The following ABCD4 variants were observed in gnomAD, a reference collection of about 807,000 sequenced individuals.
The protein encoded by ABCD4 is lysosomal cobalamin transporter ABCD4.
A neutral mutation model predicts 86.3 loss-of-function variants in ABCD4; 53 were observed. The observed-to-expected ratio is 0.61, with a 90% CI of 0.49 to 0.77. ABCD4 has a LOEUF of 0.77. ABCD4 is among the 30% of genes least tolerant of loss of function. The pLI, the probability that ABCD4 is intolerant of heterozygous loss-of-function variation, is 0.00. For synonymous variants in ABCD4, 328 were observed against 313.6 expected (o/e 1.05, Z -0.49); for missense variants, 757 against 764.5 (o/e 0.99, Z 0.12).
In ABCD4 at chr14:74,298,086, G is replaced by A; in HGVS notation, c.286-17C>T. On this transcript the variant is annotated splice_polypyrimidine_tract_variant and intron_variant, in intron 3 of 18. Transcript: ENST00000356924. ...GCTCTTCAGCTGTGCAGTGGGGGAA[G>A]CAAGGGGAAGGGAGAGATGGCTTCC... 6.2e-7 allele frequency: 1 copy of A among 1,612,208 alleles called. No individual in the cohort carries two copies. The highest frequency in any genetic ancestry group is 8.5e-7 in the Non-Finnish European group (1 of 1,179,526).
chr14:74,290,195 C>T (rs1395258028), intron 12 of ABCD4, 77 bp from the exon 13 acceptor site: 1 of 1,610,926 alleles, frequency 6.2e-7, no homozygotes, highest in East Asian at 2.2e-5. Flanking sequence ...TCCTTGTTCC[C>T]CAACAGAAAA....
chr14:74,290,953 G>T (rs998160091), intron 11 of ABCD4, among the ~76,000 whole-genome samples: 1 of 151,878 alleles, frequency 6.6e-6, no homozygotes, highest in Non-Finnish European at 1.5e-5. Flanking sequence ...GATTATAGAC[G>T]TGAGCTTCCG....
intron 16 of ABCD4, 119 bp from the exon 17 acceptor site, chr14:74,288,005 G>C (rs1328327927): frequency 1.8e-6 from 2 of 1,120,052 alleles, no homozygotes; most frequent in African/African-American, 3.1e-5. Flanking sequence ...GGAGACAGAA[G>C]CCCCTTCCCT....
At chr14:74,295,627 C>A in intron 6 of ABCD4, 1 of 599,968 alleles carries the variant, frequency 1.7e-6, no homozygotes, top group East Asian at 3.1e-5. Context: ...GGTTCTCAGA[C>A]CTTCTCAGGT....
chr14:74,292,988 TCTC>T, intron 8 of ABCD4, 119 bp from the exon 9 acceptor site: 1 of 1,501,484 alleles, frequency 6.7e-7, no homozygotes, highest in Non-Finnish European at 9.1e-7. Context: ...GGATCCTCAT[TCTC>T]CTGAGGATAC....
chr14:74,295,738 A>C lies in ABCD4; in HGVS notation c.668+116T>G, dbSNP rs957960934. ...CTTGGAGAGGTTAAAGACCTCTCCA[A>C]GATCACACAGCTAGTAACTGGCACA... On this transcript the variant is annotated intron_variant, in intron 6 of 18. Transcript: ENST00000356924. 2.9e-5 allele frequency: 41 copies of C among 1,432,510 alleles called. No homozygotes were observed. The African/African-American group carries it at 5.5e-4, about 19-fold the overall frequency. 88.7% of individuals were successfully genotyped at this position (1,432,510 alleles called of 1,614,324 possible).
chr14:74,292,274 G>A lies in ABCD4; in HGVS notation c.1118+13C>T, dbSNP rs770231084. On this transcript the variant is annotated intron_variant, in intron 11 of 18. Coordinates refer to ENST00000356924, the MANE Select transcript of ABCD4 (RefSeq NM_005050.4). ...TGCAGCCTCAACTACTGCTCTGCCA[G>A]CCCGCTACTCACGTGTCCAAGCCCC... 3 of 1,613,440 alleles carry A rather than the reference G, an allele frequency of 1.9e-6. No individual in the cohort carries two copies. The South Asian group carries it at 3.3e-5, about 18-fold the overall frequency.
At position 74,298,089 on chromosome 14, in the gene ABCD4, A is replaced by C. The variant is rs1218109438; in HGVS notation, c.286-20T>G. 6.2e-7 allele frequency: 1 copy of C among 1,610,844 alleles called. No individual in the cohort carries two copies. Among genetic ancestry groups the C allele is most frequent in the African/African-American group, 1.3e-5 (1 of 74,878 alleles). On this transcript the variant is annotated intron_variant, in intron 3 of 18. Transcript: ENST00000356924. ...CTTCAGCTGTGCAGTGGGGGAAGCA[A>C]GGGGAAGGGAGAGATGGCTTCCTGA...
chr14:74,288,736 A>T lies in ABCD4; in HGVS notation c.1486T>A (p.Phe496Ile), dbSNP rs2080542817. 6.2e-7 allele frequency: 1 copy of T among 1,613,462 alleles called. No individual in the cohort carries two copies. The highest frequency in any genetic ancestry group is 8.5e-7 in the Non-Finnish European group (1 of 1,179,876). ...GSADDERILR[F>I]LELAGLSNLV... ...CTTACCAGGCCTGCCAATTCCAAGA[A>T]CCTCAAGATCCTCTCATCATCGGCA... is the stretch of plus-strand genomic sequence containing the variant. The change falls in exon 15 of 19, where the codon TTC becomes ATC. Residue 496 changes from phenylalanine (F) to isoleucine (I), a missense_variant. Coordinates refer to ENST00000356924, the MANE Select transcript of ABCD4 (RefSeq NM_005050.4).
intron 3 of ABCD4, chr14:74,299,244 T>C: frequency 3.9e-6 from 1 of 258,948 alleles, no homozygotes; most frequent in Non-Finnish European, 7.5e-6. Flanking sequence ...GCCGTTTTAA[T>C]GAGCTGCCGG....
chr14:74,295,836 C>G lies in ABCD4; in HGVS notation c.668+18G>C, dbSNP rs770232770. ...CTATTATGCCCCAGCCCAGAAACCTCAAGTGAGGGAGACACACCTAAAATC... is the reference window on the plus strand; with the variant it reads ...CTATTATGCCCCAGCCCAGAAACCTGAAGTGAGGGAGACACACCTAAAATC... On this transcript the variant is annotated intron_variant, in intron 6 of 18. Coordinates refer to ENST00000356924, the MANE Select transcript of ABCD4 (RefSeq NM_005050.4). The G allele has an allele frequency of 6.2e-7, 1 of 1,613,302 alleles. No individual in the cohort carries two copies. The highest frequency in any genetic ancestry group is 8.5e-7 in the Non-Finnish European group (1 of 1,179,790).
intron 17 of ABCD4, among the ~76,000 whole-genome samples, chr14:74,287,566 A>AAAG (rs1555392704): frequency 4.1e-4 from 61 of 148,304 alleles, no homozygotes; most frequent in African/African-American, 1.4e-3. Context: ...AAAAAAAAAA[A>AAAG]AAAAGAAAAG....
chr14:74,292,285 A>G lies in ABCD4; in HGVS notation c.1118+2T>C. 6.2e-7 allele frequency: 1 copy of G among 1,613,880 alleles called. No homozygotes were observed. Among genetic ancestry groups the G allele is most frequent in the Non-Finnish European group, 8.5e-7 (1 of 1,179,982 alleles). ...CTACTGCTCTGCCAGCCCGCTACTC[A>G]CGTGTCCAAGCCCCACTCGCTCTCG... is the stretch of plus-strand genomic sequence containing the variant. On this transcript the variant is annotated splice_donor_variant, in intron 11 of 18. Transcript: ENST00000356924. LOFTEE classifies it high-confidence loss of function.
At chr14:74,289,607 G>A in intron 13 of ABCD4, 88 bp from the exon 14 acceptor site, 1 of 1,540,694 alleles carries the variant, frequency 6.5e-7, no homozygotes, top group Non-Finnish European at 8.8e-7. Context: ...GAACCCACTG[G>A]AACCTCCCAA....
In ABCD4 at chr14:74,290,083, C is replaced by CA. The variant is rs1013462717; in HGVS notation, c.1362dup (p.Gly455TrpfsTer13). The CA allele has an allele frequency of 6.2e-7, 1 of 1,614,148 alleles. No homozygotes were observed. Among genetic ancestry groups the CA allele is most frequent in the African/African-American group, 1.3e-5 (1 of 75,034 alleles). ...GGCTTTTGTGGCAGGAATAGCACCC[C>CA]ATGGGGCCCAAAGTCCGTCAGCATC... On this transcript the variant is annotated frameshift_variant, in exon 13 of 19. Transcript: ENST00000356924. LOFTEE classifies it high-confidence loss of function.
chr14:74,298,099 A>C, intron 3 of ABCD4, 30 bp from the exon 4 acceptor site: 1 of 1,608,096 alleles, frequency 6.2e-7, no homozygotes, highest in Non-Finnish European at 8.5e-7. Flanking sequence ...AGGGGAAGGG[A>C]GAGATGGCTT....
chr14:74,300,214 C>T lies in ABCD4; in HGVS notation c.93G>A (p.Leu31=). The T allele has an allele frequency of 1.2e-6, 2 of 1,613,592 alleles. No individual in the cohort carries two copies. Among genetic ancestry groups the T allele is most frequent in the Non-Finnish European group, 1.7e-6 (2 of 1,179,864 alleles). ...LQRFLQILKV[L]FPSWSSQNAL... is the part of the protein sequence containing the mutation. ...CATTTTGTGATGACCAAGAAGGAAA[C>T]AAAACCTTCAGTATCTGCAGGAACC... Residue 31 remains leucine (L), a synonymous_variant, in exon 2 of 19, where the codon TTG becomes TTA. Coordinates refer to ENST00000356924, the MANE Select transcript of ABCD4 (RefSeq NM_005050.4).
intron 4 of ABCD4, 124 bp downstream of exon 4, chr14:74,297,806 G>A (rs1458360194): frequency 3.5e-6 from 5 of 1,448,908 alleles, no homozygotes; most frequent in Non-Finnish European, 4.5e-6. Flanking sequence ...CCATGACTCT[G>A]GGCAGCAGCA....
At chr14:74,301,242 C>A (rs919315402) in intron 1 of ABCD4, among the ~76,000 whole-genome samples, 11 of 151,276 alleles carry the variant, frequency 7.3e-5, no homozygotes, top group African/African-American at 2.7e-4. Flanking sequence ...TCAGGGCAAC[C>A]TCTGCCTCCC....
Sources: gnomAD v4.1 joint callset for allele counts (sites outside exome capture counted in the v4.1 genomes callset) on GRCh38, gnomAD v4.1.1 for gene constraint, MANE v1.5 for transcripts, NCBI Gene and HGNC (gene_info 2026-07-23, HGNC 2026-07-21) for gene names.